VPS8: variants seen among roughly 807,000 people sequenced by gnomAD.
VPS8 encodes vacuolar protein sorting-associated protein 8 homolog.
VPS8 carries 129 observed loss-of-function variants against 216.4 expected under a neutral mutation model. The ratio of observed to expected loss-of-function variants is 0.60; its 90% confidence interval spans 0.52 to 0.69. VPS8 has a LOEUF of 0.69. Among genes scored for constraint, VPS8 ranks in the 30% least tolerant of loss-of-function variants. The pLI is 0.00. For synonymous variants in VPS8, 571 were observed against 565.4 expected (o/e 1.01, Z -0.14); for missense variants, 1,531 against 1,683.5 (o/e 0.91, Z 1.59).
At chr3:184,982,246 G>A (rs1750328282) in intron 40 of VPS8, among the ~76,000 whole-genome samples, 1 of 151,972 alleles carries the variant, frequency 6.6e-6, no homozygotes, top group Non-Finnish European at 1.5e-5. Context: ...GCTCTTTCCT[G>A]GCTTCTTTGA....
intron 22 of VPS8, among the ~76,000 whole-genome samples, chr3:184,892,089 A>G (rs957974847): frequency 1.3e-5 from 2 of 152,196 alleles, no homozygotes; most frequent in African/African-American, 4.8e-5. Flanking sequence ...TACACTGGCC[A>G]TAGGGAGGCT....
At chr3:184,991,264 A>T (rs1192684346) in intron 42 of VPS8, among the ~76,000 whole-genome samples, 1 of 152,224 alleles carries the variant, frequency 6.6e-6, no homozygotes, top group African/African-American at 2.4e-5. Flanking sequence ...TGGGTACCCA[A>T]GTATGCTCTT....
At chr3:185,048,779 C>T (rs1713524448) in intron 47 of VPS8, among the ~76,000 whole-genome samples, 1 of 152,106 alleles carries the variant, frequency 6.6e-6, no homozygotes, top group Admixed American at 6.5e-5. Flanking sequence ...CCCTACGTAC[C>T]ATGAGCTGTG....
chr3:185,015,509 A>G (rs1755664789), intron 45 of VPS8, among the ~76,000 whole-genome samples: 1 of 152,254 alleles, frequency 6.6e-6, no homozygotes. Flanking sequence ...GAGGTGAAGT[A>G]TAGGGTGTCT....
intron 36 of VPS8, among the ~76,000 whole-genome samples, chr3:184,943,049 C>T (rs990751783): frequency 2.6e-5 from 4 of 152,146 alleles, no homozygotes; most frequent in Admixed American, 6.5e-5. Flanking sequence ...CACCCCATTC[C>T]GTTCCCTTCT....
At chr3:184,937,685 A>T (rs1033937577) in intron 35 of VPS8, among the ~76,000 whole-genome samples, 1 of 152,192 alleles carries the variant, frequency 6.6e-6, no homozygotes, top group African/African-American at 2.4e-5. Context: ...ATTTCCAAGC[A>T]GAGACTTGGG....
intron 30 of VPS8, among the ~76,000 whole-genome samples, chr3:184,925,210 T>C (rs1054143199): frequency 2.6e-5 from 4 of 152,314 alleles, no homozygotes; most frequent in Middle Eastern, 3.4e-3. Context: ...TCTGTTGCTC[T>C]GAATTGCCTA....
chr3:184,908,025 A>T (rs1735799687), intron 25 of VPS8, among the ~76,000 whole-genome samples: 1 of 152,162 alleles, frequency 6.6e-6, no homozygotes, highest in South Asian at 2.1e-4. Context: ...CCCGTTCTCC[A>T]GTTTTTCCTT....
intron 5 of VPS8, among the ~76,000 whole-genome samples, chr3:184,835,889 T>C (rs1720984030): frequency 6.6e-6 from 1 of 151,846 alleles, no homozygotes; most frequent in African/African-American, 2.4e-5. Context: ...TTTTGTAGTT[T>C]TAGTAGAGAC....
chr3:184,947,660 G>A (rs1325729771), intron 36 of VPS8, among the ~76,000 whole-genome samples: 1 of 152,050 alleles, frequency 6.6e-6, no homozygotes, highest in Admixed American at 6.6e-5. Context: ...GGGGCAGTCT[G>A]TTAGCTTGTT....
chr3:184,926,644 A>ACAG lies in VPS8; in HGVS notation c.2629_2631dup (p.Gln877dup), dbSNP rs763927358. 3 of 1,604,934 alleles carry ACAG rather than the reference A, an allele frequency of 1.9e-6. No homozygotes were observed. Among genetic ancestry groups the ACAG allele is most frequent in the Non-Finnish European group, 2.6e-6 (3 of 1,175,532 alleles). ...ACGATGACTCCCGACACTCTGAAAG[A>ACAG]CAGCAGGTATGAACTACTAGAACTC... On this transcript the variant is annotated inframe_insertion, in exon 31 of 48. Transcript: ENST00000625842.
chr3:184,996,690 G>A (rs1752659984), intron 44 of VPS8, among the ~76,000 whole-genome samples, 189 bp downstream of exon 44: 1 of 152,042 alleles, frequency 6.6e-6, no homozygotes, highest in Non-Finnish European at 1.5e-5. Flanking sequence ...TAAATACAGA[G>A]GAATAAGAGC....
At chr3:184,883,376 G>A (rs1730606674) in intron 21 of VPS8, among the ~76,000 whole-genome samples, 1 of 152,172 alleles carries the variant, frequency 6.6e-6, no homozygotes, top group Non-Finnish European at 1.5e-5. Flanking sequence ...ACATCAAAGT[G>A]AAGGTGTTCC....
chr3:184,869,482 G>T lies in VPS8; in HGVS notation c.1598G>T (p.Gly533Val). The change falls in exon 20 of 48, where the codon GGA becomes GTA. Residue 533 changes from glycine (G) to valine (V), a missense_variant and splice_region_variant. Gly to Val is a moderately radical substitution (Grantham distance 109). Around this residue, in one of 3 missense-constraint regions of VPS8, gnomAD observed 1,318 missense variants for 1,468.4 expected, o/e 0.90. Coordinates refer to ENST00000625842, the MANE Select transcript of VPS8 (RefSeq NM_001009921.3). ...FHEGKAKAVV[G>V]LSGDASKRKA... Reference sequence around the variant, plus strand: ...TTTGTTGGATTTTCCTTCTCTGCAGGATTATCAGGGGATGCCAGTAAGCGA... The same window carrying T: ...TTTGTTGGATTTTCCTTCTCTGCAGTATTATCAGGGGATGCCAGTAAGCGA... 1.2e-6 allele frequency: 2 copies of T among 1,613,374 alleles called. No individual in the cohort carries two copies. The highest frequency in any genetic ancestry group is 3.3e-5 in the Admixed American group (2 of 59,968).
Position 185,052,116 on chromosome 3 carries a change from C to G in VPS8, c.*91C>G. On this transcript the variant is annotated 3_prime_UTR_variant, in exon 48 of 48. Transcript: ENST00000625842. ...CCTCTGGTGGGCTTGGCCTCCACCA[C>G]CTCCCACGCTTCTGAGAAGAGGTTC... The G allele has an allele frequency of 7.1e-7, 1 of 1,404,014 alleles. No homozygotes were observed. Among genetic ancestry groups the G allele is most frequent in the Non-Finnish European group, 9.4e-7 (1 of 1,060,112 alleles). 87.0% of individuals were successfully genotyped at this position (1,404,014 alleles called of 1,614,324 possible). A position where few individuals can be genotyped will look rare whatever the true frequency, so the allele number is the denominator to read the frequency against.
intron 36 of VPS8, among the ~76,000 whole-genome samples, chr3:184,943,064 A>G (rs979275725): frequency 4.6e-5 from 7 of 152,152 alleles, no homozygotes; most frequent in African/African-American, 1.7e-4. Flanking sequence ...CCTTCTTTCC[A>G]GGGATGCAGG....
chr3:184,837,564 T>G (rs1227970349), intron 5 of VPS8, among the ~76,000 whole-genome samples: 3 of 152,234 alleles, frequency 2.0e-5, no homozygotes, highest in Non-Finnish European at 4.4e-5. Flanking sequence ...CAAAGTTGGA[T>G]AGATGCTGCT....
At chr3:184,867,061 A>G (rs766414887) in intron 17 of VPS8, 111 bp downstream of exon 17, 174 of 968,472 alleles carry the variant, frequency 1.8e-4, no homozygotes, top group Non-Finnish European at 2.4e-4. Context: ...TTGGTCAGCA[A>G]TTATCCTAAA....
chr3:185,043,206 C>G (rs1712077629), intron 46 of VPS8, among the ~76,000 whole-genome samples: 1 of 152,134 alleles, frequency 6.6e-6, no homozygotes, highest in Admixed American at 6.6e-5. Flanking sequence ...AGGGTTAGAC[C>G]TGTTATCAAG....
Sources: allele counts gnomAD v4.1 joint callset (sites outside exome capture counted in the v4.1 genomes callset), GRCh38; gene constraint gnomAD v4.1.1; regional missense constraint gnomAD v4.1.1; transcripts MANE v1.5; gene names NCBI Gene and HGNC (gene_info 2026-07-23, HGNC 2026-07-21).